GPM6A: variants seen among roughly 807,000 people sequenced by gnomAD.
GPM6A encodes the protein glycoprotein M6A, also known as neuronal membrane glycoprotein M6-a.
In GPM6A, 7 loss-of-function variants were observed where a neutral mutation model predicts 32.1. The ratio of observed to expected loss-of-function variants is 0.22; its 90% CI spans 0.12 to 0.41. The LOEUF is 0.41. GPM6A is among the 10% of genes least tolerant of loss of function. The pLI, the probability that GPM6A is intolerant of heterozygous loss-of-function variation, is 1.00. For missense variants in GPM6A, 235 were observed against 347.2 expected, an observed-to-expected ratio of 0.68 and a Z score of 2.57; for synonymous variants, 130 against 123.4, an observed-to-expected ratio of 1.05 and a Z score of -0.35.
At chr4:175,968,204 C>T (rs1470159646) in intron 1 of GPM6A, among the ~76,000 whole-genome samples, 1 of 148,602 alleles carries the variant, frequency 6.7e-6, no homozygotes. Context: ...GATGCTGGAA[C>T]AAGTAGACAT....
chr4:175,652,127 G>T, intron 3 of GPM6A, 140 bp from the exon 4 acceptor site: 2 of 560,388 alleles, frequency 3.6e-6, no homozygotes, highest in East Asian at 3.0e-5. Context: ...TTGATTTGCA[G>T]CACAGAAGGT....
chr4:175,863,460 CA>C (rs1205789986), intron 1 of GPM6A, among the ~76,000 whole-genome samples: 1 of 151,776 alleles, frequency 6.6e-6, no homozygotes, highest in Non-Finnish European at 1.5e-5. Context: ...TAATACGCCA[CA>C]ATATGTTTAT....
intron 1 of GPM6A, among the ~76,000 whole-genome samples, chr4:175,824,904 C>A (rs1735385587): frequency 6.6e-6 from 1 of 152,132 alleles, no homozygotes. Flanking sequence ...CTCAAAAGTT[C>A]ACTGTTTCCA....
intron 1 of GPM6A, among the ~76,000 whole-genome samples, chr4:175,862,480 C>A (rs1736603556): frequency 6.6e-6 from 1 of 152,174 alleles, no homozygotes; most frequent in Admixed American, 6.6e-5. Context: ...ATTCTTGCTG[C>A]TGAGCAGTGT....
At chr4:175,764,697 C>T (rs1372558273) in intron 1 of GPM6A, among the ~76,000 whole-genome samples, 1 of 151,904 alleles carries the variant, frequency 6.6e-6, no homozygotes, top group African/African-American at 2.4e-5. Context: ...GAATTGATAG[C>T]CAACTACCTC....
chr4:175,640,247 G>A, intron 5 of GPM6A, 53 bp from the exon 6 acceptor site: 1 of 1,413,706 alleles, frequency 7.1e-7, no homozygotes, highest in South Asian at 1.2e-5. Flanking sequence ...AGGTAGAAGA[G>A]AAGTCAAGAT....
intron 1 of GPM6A, among the ~76,000 whole-genome samples, chr4:175,847,235 C>T (rs745916916): frequency 6.6e-6 from 1 of 152,086 alleles, no homozygotes; most frequent in Non-Finnish European, 1.5e-5. Context: ...GTTCACATGC[C>T]CATTAAAGCA....
intron 1 of GPM6A, among the ~76,000 whole-genome samples, chr4:175,995,376 TAAAA>T (rs10541049): frequency 0.01 from 975 of 96,302 alleles, 7 homozygotes; most frequent in African/African-American, 0.032. Context: ...TTTCAATTTG[TAAAA>T]AAAAAAAAAA....
At chr4:175,790,435 T>C (rs1042079217) in intron 1 of GPM6A, 1 of 152,148 alleles carries the variant, frequency 6.6e-6, no homozygotes, top group Non-Finnish European at 1.5e-5. Flanking sequence ...CACCATCAGT[T>C]TTTAAAATAC....
intron 3 of GPM6A, among the ~76,000 whole-genome samples, chr4:175,669,683 G>A (rs61307914): frequency 0.05 from 7,600 of 152,194 alleles, 413 homozygotes; most frequent in African/African-American, 0.14. Flanking sequence ...TCATAAGACT[G>A]TTATGAGTTG....
chr4:175,750,592 G>A (rs1483814645), intron 1 of GPM6A, among the ~76,000 whole-genome samples: 1 of 125,932 alleles, frequency 7.9e-6, no homozygotes, highest in Admixed American at 7.9e-5. Context: ...CCTTTTTTTT[G>A]ACAGGGGTCT....
intron 1 of GPM6A, among the ~76,000 whole-genome samples, chr4:175,888,622 A>G (rs1560980908): frequency 1.3e-5 from 2 of 152,132 alleles, no homozygotes; most frequent in African/African-American, 4.8e-5. Context: ...CTGTGCTTTG[A>G]TCTAAGTCTA....
At position 175,979,867 on chromosome 4, in the gene GPM6A, C is replaced by G. The variant is rs144123099; in HGVS notation, c.-23+22442G>C. Among the ~76,000 whole-genome samples the G allele has an allele frequency of 1.7e-4, 26 of 152,208 alleles. No homozygotes were observed. In the East Asian group the frequency reaches 5.0e-3, roughly 29 times the overall value. ...AGCAACAGTAGTAATGCTAAGAGAG[C>G]TATTTGCTTCTTGTTTTGTGAGTTT... is the stretch of plus-strand genomic sequence containing the variant. On this transcript the variant is annotated intron_variant, in intron 1 of 7. Transcript: ENST00000280187.
At chr4:175,829,374 T>G (rs1468199631) in intron 1 of GPM6A, among the ~76,000 whole-genome samples, 4 of 152,174 alleles carry the variant, frequency 2.6e-5, no homozygotes, top group Non-Finnish European at 5.9e-5. Flanking sequence ...TTAAATTATA[T>G]GATTAAAAAA....
At chr4:175,818,548 ACAAGACAAG>A (rs1735180423) in intron 1 of GPM6A, among the ~76,000 whole-genome samples, 1 of 152,182 alleles carries the variant, frequency 6.6e-6, no homozygotes. Context: ...TCCCCCTCAC[ACAAGACAAG>A]CACATGGTAA....
chr4:175,931,018 A>G (rs534977365), intron 1 of GPM6A, among the ~76,000 whole-genome samples: 1 of 152,288 alleles, frequency 6.6e-6, no homozygotes, highest in African/African-American at 2.4e-5. Context: ...AGGAAATCAT[A>G]TCTAATTTTA....
chr4:175,940,768 C>G (rs113682661), intron 1 of GPM6A, among the ~76,000 whole-genome samples: 276 of 152,208 alleles, frequency 1.8e-3, no homozygotes, highest in African/African-American at 6.3e-3. Context: ...GCCACCACAC[C>G]CAGCTAATTT....
At chr4:175,709,589 GT>G (rs1308810646) in intron 1 of GPM6A, among the ~76,000 whole-genome samples, 1 of 151,798 alleles carries the variant, frequency 6.6e-6, no homozygotes, top group African/African-American at 2.4e-5. Context: ...TTAGCCGAGC[GT>G]GGTGGCGCTC....
chr4:175,816,922 C>T (rs978629867), upstream of GPM6A, among the ~76,000 whole-genome samples: 5 of 151,846 alleles, frequency 3.3e-5, no homozygotes, highest in African/African-American at 7.3e-5. Context: ...TGCAGCGGCG[C>T]GGTCTCGGCT....
Sources: allele counts gnomAD v4.1 joint callset (sites outside exome capture counted in the v4.1 genomes callset), GRCh38; gene constraint gnomAD v4.1.1; transcripts MANE v1.5; gene names NCBI Gene and HGNC (gene_info 2026-07-23, HGNC 2026-07-21).